The following DOCK3 variants were observed in gnomAD, a reference collection of about 807,000 sequenced individuals.
DOCK3 encodes dedicator of cytokinesis protein 3.
DOCK3 carries 60 observed loss-of-function variants against 265.6 expected under a neutral mutation model. The ratio of observed to expected loss-of-function variants is 0.23; its 90% CI spans 0.18 to 0.28. The LOEUF (loss-of-function observed/expected upper bound fraction) is 0.28. DOCK3 is among the 10% of genes least tolerant of loss of function. DOCK3 has a pLI of 1.00. For synonymous variants in DOCK3, 881 were observed against 938.0 expected, an observed-to-expected ratio of 0.94 and a Z score of 1.11; for missense variants, 1,981 against 2,594.3, an observed-to-expected ratio of 0.76 and a Z score of 5.14.
intron 27 of DOCK3, among the ~76,000 whole-genome samples, chr3:51,282,334 A>G (rs1182216039): frequency 1.9e-5 from 1 of 52,828 alleles, no homozygotes; most frequent in East Asian, 3.2e-4. Flanking sequence ...ACAAATAGTG[A>G]CATCAAGTTA....
Position 51,374,102 on chromosome 3 carries a change from C to T in DOCK3, c.5294-367C>T, listed in dbSNP as rs2087899481. Reference sequence around the variant, plus strand: ...AAGCTGGCCTGTTCCCATGCCTGGACCCCAGGAGAGCCCAGCATACAGGCC... The same window carrying T: ...AAGCTGGCCTGTTCCCATGCCTGGATCCCAGGAGAGCCCAGCATACAGGCC... On this transcript the variant is annotated intron_variant, in intron 49 of 52. Coordinates refer to ENST00000266037, the MANE Select transcript of DOCK3 (RefSeq NM_004947.5). The surrounding 1 kb of genome is among the most constrained non-coding windows in gnomAD (Gnocchi z 4.8). Among the ~76,000 whole-genome samples the T allele has an allele frequency of 6.6e-6, 1 of 152,162 alleles. No homozygotes were observed. The highest frequency in any genetic ancestry group is 1.5e-5 in the Non-Finnish European group (1 of 68,028).
intron 1 of DOCK3, among the ~76,000 whole-genome samples, chr3:50,716,256 G>A (rs1487500773): frequency 6.6e-6 from 1 of 152,010 alleles, no homozygotes; most frequent in Non-Finnish European, 1.5e-5. Context: ...GGCCAGGCGT[G>A]GTGGCTCACA....
At chr3:51,042,642 G>T (rs2080581299) in intron 5 of DOCK3, among the ~76,000 whole-genome samples, 1 of 152,116 alleles carries the variant, frequency 6.6e-6, no homozygotes, top group African/African-American at 2.4e-5. Flanking sequence ...AGAGAGAAAG[G>T]AAGTCAAACT....
intron 5 of DOCK3, among the ~76,000 whole-genome samples, chr3:51,058,581 T>A (rs1353893209): frequency 6.6e-6 from 1 of 152,232 alleles, no homozygotes; most frequent in Non-Finnish European, 1.5e-5. Context: ...AATATACACA[T>A]ACATAATACG....
intron 1 of DOCK3, among the ~76,000 whole-genome samples, chr3:50,677,294 G>A (rs930195557): frequency 4.6e-5 from 7 of 152,130 alleles, no homozygotes; most frequent in African/African-American, 1.7e-4. Context: ...TGATCTAAAA[G>A]TTTTTGTGTA....
intron 5 of DOCK3, among the ~76,000 whole-genome samples, chr3:50,964,759 G>A (rs1297979882): frequency 6.6e-6 from 1 of 152,020 alleles, no homozygotes; most frequent in Non-Finnish European, 1.5e-5. Context: ...TCCTACAGGT[G>A]AAAGATGTTT....
At chr3:50,771,731 G>T (rs2675818) in intron 1 of DOCK3, among the ~76,000 whole-genome samples, 1 of 152,062 alleles carries the variant, frequency 6.6e-6, no homozygotes, top group Non-Finnish European at 1.5e-5. Context: ...GGCGCCTGTA[G>T]TCCCAGCTAC....
At chr3:51,299,600 G>A (rs981083101) in intron 27 of DOCK3, among the ~76,000 whole-genome samples, 2 of 152,164 alleles carry the variant, frequency 1.3e-5, no homozygotes, top group Admixed American at 6.5e-5. Context: ...TATATAAAGT[G>A]TAAGGAAGGT....
intron 21 of DOCK3, among the ~76,000 whole-genome samples, chr3:51,243,613 C>A (rs2078705467): frequency 1.3e-5 from 2 of 152,078 alleles, no homozygotes; most frequent in African/African-American, 2.4e-5. Flanking sequence ...TGGATATTAA[C>A]CCCTTATCAG....
At chr3:51,095,723 A>AG (rs1392139383) in intron 9 of DOCK3, among the ~76,000 whole-genome samples, 1 of 151,702 alleles carries the variant, frequency 6.6e-6, no homozygotes, top group Non-Finnish European at 1.5e-5. Flanking sequence ...TAGTGGAGAA[A>AG]GGTAATACTC....
chr3:50,734,568 T>C (rs1184303659), intron 1 of DOCK3, among the ~76,000 whole-genome samples: 1 of 148,808 alleles, frequency 6.7e-6, no homozygotes, highest in Non-Finnish European at 1.5e-5. Flanking sequence ...TCACAAATAC[T>C]CTGAATTTTA....
chr3:50,952,707 A>G (rs2076625306), intron 5 of DOCK3, among the ~76,000 whole-genome samples: 1 of 152,118 alleles, frequency 6.6e-6, no homozygotes, highest in African/African-American at 2.4e-5. Flanking sequence ...TGTATGTAAT[A>G]GTTGGAAGGA....
At chr3:50,977,325 G>T (rs2077490925) in intron 5 of DOCK3, among the ~76,000 whole-genome samples, 1 of 152,168 alleles carries the variant, frequency 6.6e-6, no homozygotes, top group African/African-American at 2.4e-5. Flanking sequence ...AGGAGCTCTT[G>T]TAAGGCAGGC....
intron 27 of DOCK3, among the ~76,000 whole-genome samples, chr3:51,299,873 T>G (rs1368510106): frequency 1.3e-5 from 2 of 152,220 alleles, no homozygotes; most frequent in Non-Finnish European, 2.9e-5. Flanking sequence ...TTCTTTTTGC[T>G]TAGGATTATC....
chr3:50,746,833 G>A (rs2039477936), intron 1 of DOCK3, among the ~76,000 whole-genome samples: 2 of 152,132 alleles, frequency 1.3e-5, no homozygotes, highest in Admixed American at 6.5e-5. Flanking sequence ...GCACCACCAA[G>A]ACATTCATGA....
intron 2 of DOCK3, among the ~76,000 whole-genome samples, chr3:50,806,696 C>T (rs765744375): frequency 7.2e-5 from 11 of 151,936 alleles, no homozygotes; most frequent in Non-Finnish European, 1.0e-4. Context: ...TGGCATTTAG[C>T]CATCTGTGGG....
intron 22 of DOCK3, among the ~76,000 whole-genome samples, chr3:51,259,715 C>T (rs1012164456): frequency 1.8e-4 from 28 of 152,142 alleles, no homozygotes; most frequent in African/African-American, 6.8e-4. Flanking sequence ...GTAGGAGACT[C>T]CTAAGTCTGA....
At chr3:51,377,927 A>G (rs1044633964) in intron 51 of DOCK3, among the ~76,000 whole-genome samples, 1 of 152,138 alleles carries the variant, frequency 6.6e-6, no homozygotes, top group Non-Finnish European at 1.5e-5. Context: ...TAAGCTTCCT[A>G]TTCCCTGATA....
chr3:50,870,329 T>C (rs2047374754), intron 3 of DOCK3, among the ~76,000 whole-genome samples: 1 of 152,224 alleles, frequency 6.6e-6, no homozygotes, highest in Non-Finnish European at 1.5e-5. Flanking sequence ...AATTGTTATA[T>C]TCTGTTACTG....
Sources: allele counts gnomAD v4.1 joint callset (sites outside exome capture counted in the v4.1 genomes callset), GRCh38; gene constraint gnomAD v4.1.1; non-coding constraint Gnocchi (gnomAD v3.1); transcripts MANE v1.5; gene names NCBI Gene and HGNC (gene_info 2026-07-23, HGNC 2026-07-21).